EPHA3: variants seen among roughly 807,000 people sequenced by gnomAD.
EPHA3 encodes the protein EPH receptor A3, also known as ephrin type-A receptor 3.
EPHA3 carries 42 observed loss-of-function variants against 107.1 expected under a neutral mutation model. The ratio of observed to expected loss-of-function variants is 0.39; its 90% CI spans 0.31 to 0.51. The LOEUF is 0.51. EPHA3 is among the 20% of genes least tolerant of loss of function. The pLI is 0.78. For synonymous variants in EPHA3, 461 were observed against 424.8 expected (o/e 1.09, Z -1.05); for missense variants, 1,183 against 1,211.2 (o/e 0.98, Z 0.35).
At chr3:89,178,240 T>G (rs2107113248) in intron 2 of EPHA3, among the ~76,000 whole-genome samples, 1 of 113,634 alleles carries the variant, frequency 8.8e-6, no homozygotes, top group East Asian at 2.5e-4. Flanking sequence ...AAGAGACATA[T>G]GTAGCCAATA....
intron 3 of EPHA3, among the ~76,000 whole-genome samples, chr3:89,282,483 CT>C (rs898862414): frequency 6.6e-6 from 1 of 151,692 alleles, no homozygotes; most frequent in Non-Finnish European, 1.5e-5. Flanking sequence ...CTTTTCCCAC[CT>C]TTTTTTTGTA....
intron 3 of EPHA3, among the ~76,000 whole-genome samples, chr3:89,221,425 A>T (rs1442296479): frequency 1.3e-5 from 2 of 152,340 alleles, no homozygotes; most frequent in Non-Finnish European, 2.9e-5. Context: ...TCTGAAAAAC[A>T]TACATAGATA....
chr3:89,241,079 G>C (rs1394662856), intron 3 of EPHA3, among the ~76,000 whole-genome samples: 3 of 151,032 alleles, frequency 2.0e-5, no homozygotes, highest in Admixed American at 2.0e-4. Context: ...CCTAGAGATA[G>C]TGTCACCAGC....
intron 2 of EPHA3, among the ~76,000 whole-genome samples, chr3:89,166,349 C>G (rs1415062215): frequency 6.6e-6 from 1 of 152,098 alleles, no homozygotes; most frequent in Non-Finnish European, 1.5e-5. Context: ...CATATACTAT[C>G]TTTTGAACAG....
chr3:89,126,475 G>A (rs1342932451), intron 1 of EPHA3, among the ~76,000 whole-genome samples: 1 of 151,564 alleles, frequency 6.6e-6, no homozygotes, highest in Admixed American at 6.6e-5. Context: ...CCATATGCAT[G>A]CTATATTTTA....
intron 2 of EPHA3, among the ~76,000 whole-genome samples, chr3:89,153,307 G>C (rs2107049638): frequency 6.6e-6 from 1 of 152,016 alleles, no homozygotes; most frequent in East Asian, 1.9e-4. Flanking sequence ...CACACTTGCG[G>C]GTCCTTCTTC....
At chr3:89,258,740 C>A (rs1477006117) in intron 3 of EPHA3, among the ~76,000 whole-genome samples, 1 of 152,120 alleles carries the variant, frequency 6.6e-6, no homozygotes, top group East Asian at 1.9e-4. Flanking sequence ...TCAAAATCTT[C>A]CAAAGGATCC....
chr3:89,341,450 A>G (rs1006511939), intron 4 of EPHA3, among the ~76,000 whole-genome samples: 5 of 152,210 alleles, frequency 3.3e-5, no homozygotes, highest in Non-Finnish European at 7.3e-5. Flanking sequence ...TAAGAGTTAT[A>G]AAACTAATAC....
chr3:89,290,238 G>A (rs1393241701), intron 3 of EPHA3, among the ~76,000 whole-genome samples: 2 of 152,004 alleles, frequency 1.3e-5, no homozygotes, highest in Non-Finnish European at 1.5e-5. Context: ...CTTTACAAAC[G>A]TATCAAAGTA....
chr3:89,248,827 T>C (rs1705097833), intron 3 of EPHA3, among the ~76,000 whole-genome samples: 1 of 152,198 alleles, frequency 6.6e-6, no homozygotes, highest in African/African-American at 2.4e-5. Flanking sequence ...TCTACATAAA[T>C]TCATGTTCTT....
intron 1 of EPHA3, among the ~76,000 whole-genome samples, chr3:89,114,008 C>G (rs536061182): frequency 6.6e-6 from 1 of 152,248 alleles, no homozygotes; most frequent in Admixed American, 6.5e-5. Flanking sequence ...TAAATCATGT[C>G]CCGCTGTTCC....
At chr3:89,188,409 G>A (rs1196855701) in intron 2 of EPHA3, among the ~76,000 whole-genome samples, 2 of 151,974 alleles carry the variant, frequency 1.3e-5, no homozygotes, top group Non-Finnish European at 2.9e-5. Context: ...TTCTTCATTT[G>A]GTGTCAGCAT....
chr3:89,221,675 G>A (rs1175447846), intron 3 of EPHA3, among the ~76,000 whole-genome samples: 1 of 152,116 alleles, frequency 6.6e-6, no homozygotes, highest in African/African-American at 2.4e-5. Flanking sequence ...AAAGCCTTAC[G>A]AGGTAAATCT....
At chr3:89,107,879 C>T in intron 1 of EPHA3, 43 bp downstream of exon 1, 1 of 1,582,944 alleles carries the variant, frequency 6.3e-7, no homozygotes, top group Admixed American at 1.7e-5. Flanking sequence ...CCCCGCGGGG[C>T]TCACGCTCTT....
chr3:89,217,753 G>T (rs1704252976), intron 3 of EPHA3, among the ~76,000 whole-genome samples: 3 of 152,160 alleles, frequency 2.0e-5, no homozygotes, highest in African/African-American at 7.2e-5. Context: ...AAAAGAAAAT[G>T]CTGCAATTGA....
intron 5 of EPHA3, among the ~76,000 whole-genome samples, chr3:89,378,614 C>T (rs1399237248): frequency 2.0e-5 from 3 of 152,150 alleles, no homozygotes; most frequent in Admixed American, 2.0e-4. Flanking sequence ...AGTCTTCACA[C>T]CTGTGTTTGA....
intron 2 of EPHA3, among the ~76,000 whole-genome samples, chr3:89,159,669 G>C (rs900904629): frequency 6.6e-6 from 1 of 152,096 alleles, no homozygotes; most frequent in African/African-American, 2.4e-5. Context: ...ATATAGGAAA[G>C]TGGCTCATTT....
chr3:89,342,411 G>T (rs1324514607), intron 5 of EPHA3, among the ~76,000 whole-genome samples: 3 of 152,084 alleles, frequency 2.0e-5, no homozygotes, highest in Non-Finnish European at 4.4e-5. Flanking sequence ...CTTAGGCAAT[G>T]AATCTTAGCT....
At chr3:89,248,946 A>G (rs1414587705) in intron 3 of EPHA3, among the ~76,000 whole-genome samples, 1 of 152,230 alleles carries the variant, frequency 6.6e-6, no homozygotes, top group Non-Finnish European at 1.5e-5. Flanking sequence ...GAAATTAAGT[A>G]CTTTTTAATC....
Sources: gnomAD v4.1 joint callset for allele counts (sites outside exome capture counted in the v4.1 genomes callset) on GRCh38, gnomAD v4.1.1 for gene constraint, MANE v1.5 for transcripts, NCBI Gene and HGNC (gene_info 2026-07-23, HGNC 2026-07-21) for gene names.